CNTN5: variants seen among roughly 807,000 people sequenced by gnomAD.
CNTN5 encodes contactin-5.
CNTN5 carries 77 observed loss-of-function variants against 129.1 expected under a neutral mutation model. The observed-to-expected ratio is 0.60, with a 90% CI of 0.50 to 0.72. CNTN5 has a LOEUF of 0.72. Ranked by LOEUF, CNTN5 falls within the 30% of genes least tolerant of loss-of-function variation. CNTN5 has a pLI of 0.00. For synonymous variants in CNTN5, 509 were observed against 465.6 expected (o/e 1.09, Z -1.20); for missense variants, 1,478 against 1,328.8 (o/e 1.11, Z -1.75).
chr11:100,189,500 G>A (rs1477898744), intron 13 of CNTN5, among the ~76,000 whole-genome samples: 1 of 152,086 alleles, frequency 6.6e-6, no homozygotes, highest in East Asian at 1.9e-4. Flanking sequence ...CCTGCTAGAT[G>A]AGAATTCACC....
chr11:99,512,293 T>A (rs952821128), intron 2 of CNTN5, among the ~76,000 whole-genome samples: 3 of 152,194 alleles, frequency 2.0e-5, no homozygotes, highest in African/African-American at 7.2e-5. Context: ...TGCAGCACGG[T>A]AACATGCTGT....
chr11:99,076,020 T>A lies in CNTN5; in HGVS notation c.-210+54750T>A, dbSNP rs188575526. On this transcript the variant is annotated intron_variant, in intron 1 of 24. Coordinates refer to ENST00000524871, the MANE Select transcript of CNTN5 (RefSeq NM_014361.4). ...TTCACCTTCTTGATTTGAAGCAACTTATTTATTCCAATACGAACTACTTTA... is the reference window on the plus strand; with the variant it reads ...TTCACCTTCTTGATTTGAAGCAACTAATTTATTCCAATACGAACTACTTTA... Among the ~76,000 whole-genome samples, 4 of 152,256 alleles carry A rather than the reference T, an allele frequency of 2.6e-5. No homozygotes were observed. The East Asian group carries it at 7.7e-4, about 29-fold the overall frequency.
At chr11:99,436,581 G>T (rs1030758718) in intron 2 of CNTN5, among the ~76,000 whole-genome samples, 10 of 152,122 alleles carry the variant, frequency 6.6e-5, no homozygotes, top group Non-Finnish European at 1.5e-5. Context: ...ATGACGGACA[G>T]ACATCATCTT....
At chr11:99,748,368 T>C (rs1944125563) in intron 3 of CNTN5, among the ~76,000 whole-genome samples, 1 of 152,074 alleles carries the variant, frequency 6.6e-6, no homozygotes, top group African/African-American at 2.4e-5. Flanking sequence ...AGTTTAAGAC[T>C]ACTGATTCAA....
At chr11:99,917,927 G>A (rs1415256964) in intron 7 of CNTN5, among the ~76,000 whole-genome samples, 1 of 152,036 alleles carries the variant, frequency 6.6e-6, no homozygotes, top group Non-Finnish European at 1.5e-5. Context: ...TTCAGTAATC[G>A]TGTTTTACAT....
intron 6 of CNTN5, among the ~76,000 whole-genome samples, chr11:99,902,390 C>A (rs148470662): frequency 3.9e-5 from 6 of 152,018 alleles, no homozygotes; most frequent in Non-Finnish European, 7.4e-5. Flanking sequence ...TACTAAGTGA[C>A]CCTTTCTAGA....
intron 4 of CNTN5, among the ~76,000 whole-genome samples, chr11:99,839,993 GAAA>G (rs201223027): frequency 6.6e-6 from 1 of 150,672 alleles, no homozygotes; most frequent in Non-Finnish European, 1.5e-5. Context: ...CTGAGTCACA[GAAA>G]AAAAAATCGT....
intron 3 of CNTN5, among the ~76,000 whole-genome samples, chr11:99,692,016 A>G (rs940084362): frequency 4.0e-5 from 6 of 151,808 alleles, no homozygotes; most frequent in African/African-American, 1.5e-4. Context: ...GTCTTTTCTG[A>G]TCTTTCTTGG....
rs183281787 is a variant in CNTN5 at position 99,655,905 on chromosome 11, A to G, written c.55+99636A>G. 2.0e-5 allele frequency among the ~76,000 whole-genome samples: 3 copies of G among 152,180 alleles called. No homozygotes were observed. The East Asian group carries it at 5.8e-4, about 30-fold the overall frequency. ...TTCCATTTAGCTATTCAGAGGCTCCACAATAATACACGCATAAAATACAAA... is the reference window on the plus strand; with the variant it reads ...TTCCATTTAGCTATTCAGAGGCTCCGCAATAATACACGCATAAAATACAAA... On this transcript the variant is annotated intron_variant, in intron 3 of 24. Coordinates refer to ENST00000524871, the MANE Select transcript of CNTN5 (RefSeq NM_014361.4).
chr11:99,887,673 GA>G (rs1339834792), intron 6 of CNTN5, among the ~76,000 whole-genome samples: 3 of 152,250 alleles, frequency 2.0e-5, no homozygotes, highest in African/African-American at 7.2e-5. Context: ...CCGAAGGCCT[GA>G]AAGCCCCTGG....
At chr11:100,066,329 G>A (rs1319688690) in intron 10 of CNTN5, among the ~76,000 whole-genome samples, 1 of 152,030 alleles carries the variant, frequency 6.6e-6, no homozygotes, top group Non-Finnish European at 1.5e-5. Flanking sequence ...TTGGCCTACA[G>A]CTGAGAGTCA....
At chr11:99,669,521 C>T (rs1004320902) in intron 3 of CNTN5, among the ~76,000 whole-genome samples, 2 of 150,992 alleles carry the variant, frequency 1.3e-5, no homozygotes, top group Admixed American at 6.6e-5. Context: ...AGATAATATT[C>T]ATGAGCATGA....
intron 1 of CNTN5, among the ~76,000 whole-genome samples, chr11:99,141,360 A>T (rs1859505190): frequency 6.6e-6 from 1 of 151,806 alleles, no homozygotes; most frequent in Non-Finnish European, 1.5e-5. Flanking sequence ...TGTAGTAATG[A>T]TAATCTCTTC....
At chr11:99,560,793 G>T (rs1948818077) in intron 3 of CNTN5, among the ~76,000 whole-genome samples, 1 of 152,178 alleles carries the variant, frequency 6.6e-6, no homozygotes, top group Admixed American at 6.5e-5. Flanking sequence ...ATGGAAGGCA[G>T]ATGGTGGAGG....
intron 17 of CNTN5, among the ~76,000 whole-genome samples, chr11:100,257,925 T>G (rs565774599): frequency 6.6e-6 from 1 of 152,088 alleles, no homozygotes; most frequent in Non-Finnish European, 1.5e-5. Flanking sequence ...GGAACAAAAC[T>G]GGACGGAGAA....
At chr11:100,204,668 T>C (rs1392140865) in intron 15 of CNTN5, among the ~76,000 whole-genome samples, 1 of 151,098 alleles carries the variant, frequency 6.6e-6, no homozygotes, top group Admixed American at 6.7e-5. Context: ...TTATCAGTGA[T>C]AAACATGTTT....
chr11:100,209,247 G>T (rs556578581), intron 15 of CNTN5, among the ~76,000 whole-genome samples: 1 of 152,316 alleles, frequency 6.6e-6, no homozygotes, highest in Non-Finnish European at 1.5e-5. Context: ...TTTATGTGTG[G>T]TGTGATGTGG....
Position 99,448,842 on chromosome 11 carries a change from A to T in CNTN5, c.-70-107303A>T, listed in dbSNP as rs1009481749. On this transcript the variant is annotated intron_variant, in intron 2 of 24. Transcript: ENST00000524871. ...GCCCAGGCTGGAGAGTGGTGGTGTG[A>T]TCATGGCTCATTGCAGCCTCTGTCT... Among the ~76,000 whole-genome samples the T allele has an allele frequency of 2.7e-5, 4 of 149,934 alleles. No homozygotes were observed. The Admixed American group carries it at 2.7e-4, about 10-fold the overall frequency.
At chr11:100,060,911 G>A (rs1343278447) in intron 9 of CNTN5, among the ~76,000 whole-genome samples, 3 of 150,920 alleles carry the variant, frequency 2.0e-5, no homozygotes, top group African/African-American at 7.3e-5. Context: ...AAAGTGCTGG[G>A]ATTACAGGTG....
Sources: gnomAD v4.1 joint callset for allele counts (sites outside exome capture counted in the v4.1 genomes callset) on GRCh38, gnomAD v4.1.1 for gene constraint, MANE v1.5 for transcripts, NCBI Gene and HGNC (gene_info 2026-07-23, HGNC 2026-07-21) for gene names.